The following CELF4 variants were observed in gnomAD, a reference collection of about 807,000 sequenced individuals.
CELF4 encodes the protein CUG-BP- and ETR-3-like factor 4.
CELF4 carries 18 observed loss-of-function variants against 59.9 expected under a neutral mutation model. The observed-to-expected ratio is 0.30, with a 90% CI of 0.21 to 0.45. CELF4 has a LOEUF of 0.45. Among genes scored for constraint, CELF4 ranks in the 20% least tolerant of loss-of-function variants. The probability of loss-of-function intolerance (pLI) is 1.00; values close to 1 mark genes in which losing one functional copy is unlikely to be tolerated. For synonymous variants in CELF4, 261 were observed against 267.1 expected, an observed-to-expected ratio of 0.98 and a Z score of 0.22; for missense variants, 456 against 689.0, an observed-to-expected ratio of 0.66 and a Z score of 3.79.
intron 1 of CELF4, among the ~76,000 whole-genome samples, chr18:37,513,409 C>T (rs1160803355): frequency 2.0e-5 from 3 of 152,184 alleles, no homozygotes; most frequent in Admixed American, 1.3e-4. Context: ...TTCTTACAGG[C>T]TCCTCTGTGT....
intron 2 of CELF4, among the ~76,000 whole-genome samples, chr18:37,470,883 T>TGA (rs1569569556): frequency 9.6e-5 from 8 of 83,530 alleles, no homozygotes; most frequent in Admixed American, 3.0e-4. Flanking sequence ...TGTGTGTGTG[T>TGA]GTGTGACAGA....
At chr18:37,535,879 C>T (rs1166554733) in intron 1 of CELF4, among the ~76,000 whole-genome samples, 1 of 152,184 alleles carries the variant, frequency 6.6e-6, no homozygotes, top group African/African-American at 2.4e-5. Flanking sequence ...TTCCTGGTCT[C>T]TTTTTGGGTT....
intron 2 of CELF4, chr18:37,473,702 G>C (rs571957714): frequency 6.6e-6 from 1 of 152,318 alleles, no homozygotes; most frequent in Non-Finnish European, 1.5e-5. Context: ...AATGCGGCAC[G>C]TGTGTGGGGG....
intron 3 of CELF4, among the ~76,000 whole-genome samples, chr18:37,308,732 G>A: frequency 6.6e-6 from 1 of 151,712 alleles, no homozygotes; most frequent in East Asian, 1.9e-4. Flanking sequence ...CCAGTGCCAG[G>A]ATTTGGTGTC....
At chr18:37,448,578 C>A (rs528959814) in intron 2 of CELF4, among the ~76,000 whole-genome samples, 125 of 152,370 alleles carry the variant, frequency 8.2e-4, no homozygotes, top group African/African-American at 2.8e-3. Context: ...CCACCCTTTC[C>A]GTCTTGCGCA....
rs78411137 is a variant in CELF4, at chr18:37,290,248, C to T, written c.449-15005G>A. 5.1e-3 allele frequency among the ~76,000 whole-genome samples: 779 copies of T among 152,342 alleles called. 9 individuals are homozygous for T. Among genetic ancestry groups the T allele is most frequent in the African/African-American group, 0.018 (739 of 41,580 alleles). ...GCCCAGGGCAGTGGAGCCCCCTGAA[C>T]ATGGGTCCCAGGCACCTCAAGCTTT... On this transcript the variant is annotated intron_variant, in intron 3 of 12. Transcript: ENST00000420428.
At chr18:37,322,656 G>A (rs2097164143) in intron 2 of CELF4, among the ~76,000 whole-genome samples, 1 of 152,224 alleles carries the variant, frequency 6.6e-6, no homozygotes, top group African/African-American at 2.4e-5. Flanking sequence ...TGGCTGCCTG[G>A]CTTCAGGGCT....
intron 1 of CELF4, among the ~76,000 whole-genome samples, chr18:37,547,446 A>T (rs1164779587): frequency 6.6e-6 from 1 of 152,138 alleles, no homozygotes; most frequent in Non-Finnish European, 1.5e-5. Context: ...TTCTGCTCAC[A>T]GGCCTCCCCT....
intron 3 of CELF4, among the ~76,000 whole-genome samples, chr18:37,318,630 TC>T (rs11334635): frequency 0.67 from 86,652 of 129,220 alleles, 28,316 homozygotes; most frequent in East Asian, 0.84. Flanking sequence ...TCCCTACACC[TC>T]CCCCCCCCCC....
intron 1 of CELF4, among the ~76,000 whole-genome samples, chr18:37,541,433 C>T (rs1278491570): frequency 1.3e-5 from 2 of 152,112 alleles, no homozygotes; most frequent in African/African-American, 4.8e-5. Context: ...GTCTGTTTCT[C>T]GCACCTTCAC....
chr18:37,248,144 G>C (rs1375948353), intron 12 of CELF4, among the ~76,000 whole-genome samples: 1 of 152,066 alleles, frequency 6.6e-6, no homozygotes, highest in African/African-American at 2.4e-5. Context: ...CACCCACTGT[G>C]GAGGTTATGG....
chr18:37,492,572 C>G (rs1213581389), intron 1 of CELF4, among the ~76,000 whole-genome samples: 1 of 152,156 alleles, frequency 6.6e-6, no homozygotes, highest in South Asian at 2.1e-4. Flanking sequence ...TTCCTGGTAC[C>G]TTTTGAAGCA....
At chr18:37,270,149 C>T (rs545870313) in intron 8 of CELF4, among the ~76,000 whole-genome samples, 67 of 151,688 alleles carry the variant, frequency 4.4e-4, no homozygotes, top group Admixed American at 7.2e-4. Flanking sequence ...AAAAGGTAAT[C>T]AGGAGCAGGC....
chr18:37,298,738 A>AT (rs1242883974), intron 3 of CELF4, among the ~76,000 whole-genome samples: 1 of 151,670 alleles, frequency 6.6e-6, no homozygotes, highest in Middle Eastern at 3.2e-3. Flanking sequence ...AAAAAAAAAA[A>AT]AAAATCCAGT....
intron 7 of CELF4, among the ~76,000 whole-genome samples, chr18:37,271,780 A>T (rs1304750575): frequency 6.6e-6 from 1 of 152,174 alleles, no homozygotes; most frequent in Non-Finnish European, 1.5e-5. Context: ...GGCCTCCTCC[A>T]CTTGAAGCAA....
intron 1 of CELF4, among the ~76,000 whole-genome samples, chr18:37,502,102 G>A (rs1036793015): frequency 7.2e-5 from 11 of 152,156 alleles, no homozygotes; most frequent in Non-Finnish European, 1.3e-4. Flanking sequence ...TGCCCGCTTC[G>A]TCTGTGGGTC....
At chr18:37,353,767 CTTTTTTTT>C (rs35838731) in intron 2 of CELF4, among the ~76,000 whole-genome samples, 2 of 90,920 alleles carry the variant, frequency 2.2e-5, no homozygotes, top group East Asian at 6.4e-4. Context: ...GCAGTTCTTT[CTTTTTTTT>C]TTTTTTTTTG....
intron 2 of CELF4, among the ~76,000 whole-genome samples, chr18:37,452,446 G>A (rs1460406868): frequency 6.6e-6 from 1 of 152,088 alleles, no homozygotes; most frequent in East Asian, 1.9e-4. Flanking sequence ...CCTACCCCAG[G>A]CCCTGGCAAG....
At chr18:37,383,453 C>A (rs1247843474) in intron 2 of CELF4, among the ~76,000 whole-genome samples, 1 of 152,160 alleles carries the variant, frequency 6.6e-6, no homozygotes, top group Non-Finnish European at 1.5e-5. Context: ...AAGGATGTTT[C>A]CTTCAAGCAG....
Sources: gnomAD v4.1 joint callset for allele counts (sites outside exome capture counted in the v4.1 genomes callset) on GRCh38, gnomAD v4.1.1 for gene constraint, MANE v1.5 for transcripts, NCBI Gene and HGNC (gene_info 2026-07-23, HGNC 2026-07-21) for gene names.